Variants in IRS2 observed in about 807,000 individuals in gnomAD.
The protein encoded by IRS2 is insulin receptor substrate 2.
IRS2 carries 28 observed loss-of-function variants against 70.9 expected under a neutral mutation model. The observed-to-expected ratio is 0.39, with a 90% CI of 0.29 to 0.54. The LOEUF (loss-of-function observed/expected upper bound fraction) is 0.54. IRS2 is among the 20% of genes least tolerant of loss of function. The pLI is 0.59. For synonymous variants in IRS2, 1,217 were observed against 981.9 expected (o/e 1.24, Z -4.48); for missense variants, 2,081 against 2,024.1 (o/e 1.03, Z -0.54).
chr13:109,759,878 T>C (rs1413907771), intron 1 of IRS2, among the ~76,000 whole-genome samples: 1 of 151,990 alleles, frequency 6.6e-6, no homozygotes, highest in Non-Finnish European at 1.5e-5. Flanking sequence ...CACTCATCAG[T>C]GACACTCCCC....
Position 109,784,751 on chromosome 13 carries a change from C to T in IRS2, c.1303G>A (p.Val435Met). 9.8e-6 allele frequency: 12 copies of T among 1,230,760 alleles called. No individual in the cohort carries two copies. The highest frequency in any genetic ancestry group is 1.0e-5 in the Non-Finnish European group (10 of 986,774). The allele number at this position is 1,230,760 out of a possible 1,614,324, so 76.2% of individuals were successfully genotyped here. ...LQHSRSMSMP[V>M]AHSPPAATSP... is the part of the protein sequence containing the mutation. ...GTGGCGGCGGGCGGCGAGTGCGCCA[C>T]GGGCATGGACATGGAGCGGCTGTGT... The change falls in exon 1 of 2, where the codon GTG becomes ATG. Residue 435 changes from valine (V) to methionine (M), a missense_variant. Transcript: ENST00000375856. The surrounding 1 kb of genome is among the most constrained non-coding windows in gnomAD (Gnocchi z 5.2).
chr13:109,784,647 C>A lies in IRS2; in HGVS notation c.1407G>T (p.Leu469=). The A allele has an allele frequency of 7.9e-7, 1 of 1,269,860 alleles. No individual in the cohort carries two copies. Among genetic ancestry groups the A allele is most frequent in the Non-Finnish European group, 9.9e-7 (1 of 1,011,184 alleles). 78.7% of individuals were successfully genotyped at this position (1,269,860 alleles called of 1,614,324 possible). A position where few individuals can be genotyped will look rare whatever the true frequency, so the allele number is the denominator to read the frequency against. ...CGGGGCCGTGGTGCAGCGGATGCGG[C>A]AGAGGCGGGTGCGGGCCGGGCGGCG... is the stretch of plus-strand genomic sequence containing the variant. The part of the protein sequence containing the change: ...YPPPPGPHPP[L]PHPLHHGPGQ... The change falls in exon 1 of 2, where the codon CTG becomes CTT. Residue 469 remains leucine, a synonymous_variant. Coordinates refer to ENST00000375856, the MANE Select transcript of IRS2 (RefSeq NM_003749.3). This position sits in a 1 kb window ranked among gnomAD's most constrained non-coding sequence, Gnocchi z 5.2.
At chr13:109,772,965 G>C (rs1394361307) in intron 1 of IRS2, among the ~76,000 whole-genome samples, 4 of 152,098 alleles carry the variant, frequency 2.6e-5, no homozygotes, top group Non-Finnish European at 2.9e-5. Context: ...AAAGTGCTGG[G>C]ATTACAGGCG....
At position 109,785,245 on chromosome 13, in the gene IRS2, AG is replaced by A; in HGVS notation, c.808del (p.Leu270CysfsTer22). 1 of 1,607,162 alleles carries A rather than the reference AG, an allele frequency of 6.2e-7. No individual in the cohort carries two copies. Among genetic ancestry groups the A allele is most frequent in the Non-Finnish European group, 8.5e-7 (1 of 1,177,620 alleles). On this transcript the variant is annotated frameshift_variant, in exon 1 of 2. Coordinates refer to ENST00000375856, the MANE Select transcript of IRS2 (RefSeq NM_003749.3). LOFTEE classifies it high-confidence loss of function. The surrounding 1 kb of genome is among the most constrained non-coding windows in gnomAD (Gnocchi z 9.3). Reference sequence around the variant, plus strand: ...CACCGAGTCGTCCGCCTGCATCCACAGCTCGCCGGGGCCTGTGACGGCCGAG... The same window carrying A: ...CACCGAGTCGTCCGCCTGCATCCACACTCGCCGGGGCCTGTGACGGCCGAG... ...GRSAVTGPGE[L>X]WMQADDSVVA...
chr13:109,783,626 A>G lies in IRS2; in HGVS notation c.2428T>C (p.Tyr810His), dbSNP rs1566413259. ...GCCYSSLPRS[Y>H]KAPYTCGGDS... is the part of the protein sequence containing the mutation. ...CCGCCACAGGTGTAGGGGGCCTTGT[A>G]GGAGCGGGGCAAGGAGCTGTAGCAG... The change falls in exon 1 of 2, where the codon TAC becomes CAC. Residue 810 changes from tyrosine (Y) to histidine (H), a missense_variant. Coordinates refer to ENST00000375856, the MANE Select transcript of IRS2 (RefSeq NM_003749.3). 2 of 1,549,846 alleles carry G rather than the reference A, an allele frequency of 1.3e-6. No homozygotes were observed. The highest frequency in any genetic ancestry group is 3.9e-5 in the Admixed American group (2 of 51,474).
Position 109,784,623 on chromosome 13 carries a change from G to C in IRS2, c.1431C>G (p.Pro477=). The change falls in exon 1 of 2, where the codon CCC becomes CCG. Residue 477 remains proline, a synonymous_variant. Coordinates refer to ENST00000375856, the MANE Select transcript of IRS2 (RefSeq NM_003749.3). This position sits in a 1 kb window ranked among gnomAD's most constrained non-coding sequence, Gnocchi z 5.2. ...CGCTGCCGCTGGAGGGCCGCTGGCC[G>C]GGGCCGTGGTGCAGCGGATGCGGCA... The part of the protein sequence containing the change: ...PPLPHPLHHG[P]GQRPSSGSAS... 1 of 1,332,562 alleles carries C rather than the reference G, an allele frequency of 7.5e-7. No homozygotes were observed. Among genetic ancestry groups the C allele is most frequent in the Non-Finnish European group, 9.5e-7 (1 of 1,047,174 alleles). 82.5% of individuals were successfully genotyped at this position (1,332,562 alleles called of 1,614,324 possible). A position where few individuals can be genotyped will look rare whatever the true frequency, so the allele number is the denominator to read the frequency against.
At chr13:109,762,772 T>C (rs529762910) in intron 1 of IRS2, among the ~76,000 whole-genome samples, 10 of 152,280 alleles carry the variant, frequency 6.6e-5, no homozygotes, top group African/African-American at 2.4e-4. Flanking sequence ...AGGTATTAAA[T>C]TGAAGCGAAA....
rs909389122 is a variant in IRS2 at position 109,782,699 on chromosome 13, C to T, written c.3355G>A (p.Ala1119Thr). 1.9e-6 allele frequency: 3 copies of T among 1,586,132 alleles called. No individual in the cohort carries two copies. The highest frequency in any genetic ancestry group is 1.8e-5 in the Admixed American group (1 of 56,358). ...GGGGGCTGGCTGGCCTGCAGGAAGG[C>T]CTCGACTCCCGACACCTGCTCCATG... ...SLMEQVSGVE[A>T]FLQASQPPDP... The change falls in exon 1 of 2, where the codon GCC (alanine) becomes ACC (threonine). Residue 1119 changes from alanine (A) to threonine (T), a missense_variant. Transcript: ENST00000375856.
rs1444778715 is a variant in IRS2, at chr13:109,783,878, C to T, written c.2176G>A (p.Gly726Ser). 9.0e-6 allele frequency: 14 copies of T among 1,549,350 alleles called. No homozygotes were observed. The highest frequency in any genetic ancestry group is 2.0e-5 in the Admixed American group (1 of 51,176). Residue 726 changes from glycine to serine, a missense_variant, in exon 1 of 2, where the codon GGC becomes AGC. By Grantham distance (56) the Gly-to-Ser change is moderately conservative (BLOSUM62 0). Transcript: ENST00000375856. ...AGRTFPASGG[G>S]YKASSPAESS... ...TCGGCGGGCGAGCTGGCCTTGTAGC[C>T]GCCCCCGCTCGCCGGGAATGTCCTG...
intron 1 of IRS2, among the ~76,000 whole-genome samples, chr13:109,774,830 C>T (rs1489657244): frequency 6.6e-6 from 1 of 152,130 alleles, no homozygotes; most frequent in Non-Finnish European, 1.5e-5. Context: ...AAGAAAAACA[C>T]CCTTTGAATT....
chr13:109,782,541 G>C lies in IRS2; in HGVS notation c.3513C>G (p.Arg1171=), dbSNP rs542315127. The C allele has an allele frequency of 2.9e-5, 46 of 1,559,766 alleles. No individual in the cohort carries two copies. In the East Asian group the frequency reaches 1.0e-3, roughly 34 times the overall value. Residue 1171 remains arginine, a synonymous_variant, in exon 1 of 2, where the codon CGC becomes CGG. Transcript: ENST00000375856. ...VSPSFAHNPK[R]HNSASVENVS... The stretch of plus-strand genomic sequence containing the variant: ...CATTTTCCACGGAGGCCGAGTTGTG[G>C]CGCTTGGGGTTGTGGGCGAAGGACG...
chr13:109,758,685 A>G (rs536639313), intron 1 of IRS2, among the ~76,000 whole-genome samples: 141 of 152,318 alleles, frequency 9.3e-4, no homozygotes, highest in African/African-American at 3.3e-3. Flanking sequence ...TCTAAGCATT[A>G]GCATTATGCA....
chr13:109,764,602 C>A (rs1269319131), intron 1 of IRS2, among the ~76,000 whole-genome samples: 1 of 152,216 alleles, frequency 6.6e-6, no homozygotes, highest in Non-Finnish European at 1.5e-5. Flanking sequence ...TAACCACATG[C>A]TGTGTTCTCA....
intron 1 of IRS2, among the ~76,000 whole-genome samples, chr13:109,771,732 T>G (rs985787631): frequency 6.6e-6 from 1 of 152,208 alleles, no homozygotes; most frequent in East Asian, 1.9e-4. Context: ...TTTTTTAAAA[T>G]GCACCAAAGG....
chr13:109,781,876 A>C (rs9521511), intron 1 of IRS2, among the ~76,000 whole-genome samples, 166 bp downstream of exon 1: 1 of 152,002 alleles, frequency 6.6e-6, no homozygotes, highest in Non-Finnish European at 1.5e-5. Context: ...AGTTCTCTGA[A>C]GGAAGAGAAC....
At position 109,783,132 on chromosome 13, in the gene IRS2, C is replaced by T. The variant is rs752618879; in HGVS notation, c.2922G>A (p.Pro974=). The T allele has an allele frequency of 7.2e-6, 10 of 1,386,376 alleles. No homozygotes were observed. The South Asian group carries it at 1.3e-4, about 18-fold the overall frequency. The allele number at this position is 1,386,376 out of a possible 1,614,324, so 85.9% of individuals were successfully genotyped here. A position where few individuals can be genotyped will look rare whatever the true frequency, so the allele number is the denominator to read the frequency against. The change falls in exon 1 of 2, where the codon CCG becomes CCA. Residue 974 remains proline (P), a synonymous_variant. Transcript: ENST00000375856. ...GTSSDSRQRS[P]LSDYMNLDFS... ...AGTCGAGGTTCATGTAGTCGGAGAG[C>T]GGAGACCGCTGCCGGCTGTCGCTGC...
At position 109,782,146 on chromosome 13, in the gene IRS2, C is replaced by T; in HGVS notation, c.3908G>A (p.Gly1303Asp). The change falls in exon 1 of 2, where the codon GGC (glycine) becomes GAC (aspartate). Residue 1303 changes from glycine (G) to aspartate (D), a missense_variant. Physicochemically the swap from Gly to Asp is moderately conservative, Grantham distance 94. Around this residue, in one of 4 missense-constraint regions of IRS2, gnomAD observed 1,615 missense variants for 1,459.5 expected, o/e 1.11. Coordinates refer to ENST00000375856, the MANE Select transcript of IRS2 (RefSeq NM_003749.3). Reference protein sequence around the residue: ...LISAVGVGSTGGGCGGPGPGA... With the variant: ...LISAVGVGSTDGGCGGPGPGA... ...GGGACCCGGCCCCCCGCACCCGCCG[C>T]CGGTGCTGCCGACGCCCACAGCGCT... 1 of 1,606,938 alleles carries T rather than the reference C, an allele frequency of 6.2e-7. No homozygotes were observed. Among genetic ancestry groups the T allele is most frequent in the South Asian group, 1.1e-5 (1 of 90,544 alleles).
Position 109,781,518 on chromosome 13 carries a change from C to A in IRS2, c.4012+524G>T, listed in dbSNP as rs371861392. 2.2e-4 allele frequency among the ~76,000 whole-genome samples: 34 copies of A among 152,346 alleles called. No homozygotes were observed. In the East Asian group the frequency reaches 3.7e-3, roughly 16 times the overall value. On this transcript the variant is annotated intron_variant, in intron 1 of 1. Coordinates refer to ENST00000375856, the MANE Select transcript of IRS2 (RefSeq NM_003749.3). ...ATGGTTAACTGTCGCTATTAGCAGC[C>A]ATCAAAATGGATGCTCATTTCTTAA... is the stretch of plus-strand genomic sequence containing the variant.
At position 109,753,811 on chromosome 13, in the gene IRS2, G is replaced by A. The variant is rs935994450; in HGVS notation, c.*2493C>T. 5 of 209,712 alleles carry A rather than the reference G, an allele frequency of 2.4e-5. No homozygotes were observed. Among genetic ancestry groups the A allele is most frequent in the Non-Finnish European group, 4.8e-5 (5 of 103,152 alleles). The allele number at this position is 209,712 out of a possible 1,614,324, so 13.0% of individuals were successfully genotyped here. A position where few individuals can be genotyped will look rare whatever the true frequency, so the allele number is the denominator to read the frequency against. On this transcript the variant is annotated 3_prime_UTR_variant, in exon 2 of 2. Transcript: ENST00000375856. Reference sequence around the variant, plus strand: ...TGGCTTTATGTTAAACAGAGAATTCGTACAGAAAAAATCTTCAGGACTGTA... The same window carrying A: ...TGGCTTTATGTTAAACAGAGAATTCATACAGAAAAAATCTTCAGGACTGTA...
Sources: allele counts gnomAD v4.1 joint callset (sites outside exome capture counted in the v4.1 genomes callset), GRCh38; gene constraint gnomAD v4.1.1; regional missense constraint gnomAD v4.1.1; non-coding constraint Gnocchi (gnomAD v3.1); transcripts MANE v1.5; gene names NCBI Gene and HGNC (gene_info 2026-07-23, HGNC 2026-07-21).